The following TSHZ2 variants were observed in gnomAD, a reference collection of about 807,000 sequenced individuals.
TSHZ2 encodes teashirt homolog 2.
Under a neutral mutation model 74.4 loss-of-function variants are expected in TSHZ2, and 21 were observed. The observed-to-expected ratio is 0.28, with a 90% confidence interval of 0.20 to 0.41. The LOEUF is 0.41. TSHZ2 is among the 10% of genes least tolerant of loss of function. The pLI is 1.00. For missense variants in TSHZ2, 1,244 were observed against 1,293.5 expected, an observed-to-expected ratio of 0.96 and a Z score of 0.59; for synonymous variants, 540 against 515.3, an observed-to-expected ratio of 1.05 and a Z score of -0.65.
chr20:53,101,867 A>T (rs1986228141), intron 1 of TSHZ2, among the ~76,000 whole-genome samples: 1 of 152,226 alleles, frequency 6.6e-6, no homozygotes, highest in South Asian at 2.1e-4. Flanking sequence ...TATGAACCAG[A>T]TGTGTAAATA....
intron 1 of TSHZ2, among the ~76,000 whole-genome samples, chr20:53,112,625 C>T (rs1986565393): frequency 6.6e-6 from 1 of 152,120 alleles, no homozygotes; most frequent in African/African-American, 2.4e-5. Context: ...ACCTCCTGGG[C>T]TCAAGCAATC....
In TSHZ2 at chr20:53,479,354, G is replaced by C. The variant is rs369788170; in HGVS notation, c.*9-7790G>C. Among the ~76,000 whole-genome samples the C allele has an allele frequency of 2.0e-5, 3 of 152,222 alleles. No individual in the cohort carries two copies. The East Asian group carries it at 5.8e-4, about 29-fold the overall frequency. On this transcript the variant is annotated intron_variant, in intron 2 of 2. Coordinates refer to ENST00000371497, the MANE Select transcript of TSHZ2 (RefSeq NM_173485.6). ...AGCTCTAGGTGATCCCAGTACTGCT[G>C]TTATATGGACCACCCTCAGAGTAAC... is the stretch of plus-strand genomic sequence containing the variant.
chr20:53,272,309 C>T (rs368574344), intron 2 of TSHZ2, among the ~76,000 whole-genome samples: 4 of 152,208 alleles, frequency 2.6e-5, no homozygotes, highest in East Asian at 1.9e-4. Flanking sequence ...CGTGCCCGGC[C>T]GAGAAGTGGA....
chr20:53,216,668 G>A (rs1989441181), intron 1 of TSHZ2, among the ~76,000 whole-genome samples: 1 of 152,150 alleles, frequency 6.6e-6, no homozygotes, highest in Non-Finnish European at 1.5e-5. Flanking sequence ...AAGGTGCATG[G>A]AGCCCCACAA....
At chr20:53,473,945 G>C (rs1156982640) in intron 2 of TSHZ2, among the ~76,000 whole-genome samples, 1 of 152,074 alleles carries the variant, frequency 6.6e-6, no homozygotes, top group Admixed American at 6.6e-5. Context: ...AGCGAGAAGA[G>C]AAGTTTAGAG....
At chr20:53,245,777 TTCAG>T (rs926667334) in intron 1 of TSHZ2, among the ~76,000 whole-genome samples, 17 of 152,154 alleles carry the variant, frequency 1.1e-4, no homozygotes, top group African/African-American at 4.1e-4. Context: ...ATAGGACCCT[TTCAG>T]TCAGTCAGGC....
chr20:53,462,980 T>C (rs1985427374), intron 2 of TSHZ2, among the ~76,000 whole-genome samples: 1 of 152,148 alleles, frequency 6.6e-6, no homozygotes. Flanking sequence ...TGTGGGGGCC[T>C]CTCTGTTCAT....
chr20:53,222,428 G>A (rs1234921572), intron 1 of TSHZ2, among the ~76,000 whole-genome samples: 3 of 152,188 alleles, frequency 2.0e-5, no homozygotes, highest in Admixed American at 2.0e-4. Context: ...AAAGATTTAT[G>A]AATGTCACCA....
intron 1 of TSHZ2, among the ~76,000 whole-genome samples, chr20:53,023,638 G>T (rs2870045): frequency 1.1e-3 from 24 of 22,096 alleles, no homozygotes; most frequent in East Asian, 9.9e-3. Context: ...TTTGCTTTTT[G>T]TTTTTTATGA....
At chr20:52,991,336 G>A (rs541121214) in intron 1 of TSHZ2, among the ~76,000 whole-genome samples, 3 of 145,784 alleles carry the variant, frequency 2.1e-5, no homozygotes, top group African/African-American at 7.7e-5. Context: ...TGGGGGGAGA[G>A]AGTGTGAAAG....
chr20:53,280,107 T>A (rs1991025975), intron 2 of TSHZ2, among the ~76,000 whole-genome samples: 1 of 152,052 alleles, frequency 6.6e-6, no homozygotes, highest in South Asian at 2.1e-4. Context: ...TTTTTGAAGA[T>A]GACTCTGCTC....
intron 1 of TSHZ2, among the ~76,000 whole-genome samples, chr20:53,066,633 G>A (rs545549485): frequency 6.6e-5 from 10 of 152,180 alleles, no homozygotes; most frequent in Non-Finnish European, 1.2e-4. Flanking sequence ...TCAGCCTCCT[G>A]AGTAGCTGGG....
intron 1 of TSHZ2, among the ~76,000 whole-genome samples, chr20:53,228,515 G>A (rs573824012): frequency 1.1e-3 from 166 of 152,308 alleles, no homozygotes; most frequent in Admixed American, 6.3e-3. Flanking sequence ...TTCGGGGTCC[G>A]GTAATTCTCT....
chr20:53,146,836 G>A (rs561866511), intron 1 of TSHZ2, among the ~76,000 whole-genome samples: 1 of 152,130 alleles, frequency 6.6e-6, no homozygotes, highest in Non-Finnish European at 1.5e-5. Context: ...GTAGAGGAGC[G>A]AGGCGGGCGT....
intron 2 of TSHZ2, among the ~76,000 whole-genome samples, chr20:53,390,094 A>G (rs1320147610): frequency 1.3e-5 from 2 of 152,322 alleles, no homozygotes; most frequent in Middle Eastern, 3.4e-3. Context: ...TTAGGGAGAA[A>G]TATTAACCTT....
chr20:53,351,680 T>C (rs776405746), intron 2 of TSHZ2, among the ~76,000 whole-genome samples: 2 of 152,200 alleles, frequency 1.3e-5, no homozygotes, highest in Non-Finnish European at 2.9e-5. Flanking sequence ...GTGACTAAAG[T>C]GTCAAGTCAG....
At chr20:53,166,798 C>G (rs917408830) in intron 1 of TSHZ2, among the ~76,000 whole-genome samples, 1 of 151,838 alleles carries the variant, frequency 6.6e-6, no homozygotes, top group Non-Finnish European at 1.5e-5. Flanking sequence ...AATAAAAAAT[C>G]AAAACAAAAA....
chr20:53,154,800 G>C (rs1007754167), intron 1 of TSHZ2, among the ~76,000 whole-genome samples: 4 of 152,144 alleles, frequency 2.6e-5, no homozygotes, highest in African/African-American at 7.2e-5. Flanking sequence ...AGCTGTCACT[G>C]AGACAATCTA....
At chr20:53,077,146 C>A (rs1415102106) in intron 1 of TSHZ2, among the ~76,000 whole-genome samples, 1 of 152,114 alleles carries the variant, frequency 6.6e-6, no homozygotes, top group Non-Finnish European at 1.5e-5. Flanking sequence ...GGCACGATGG[C>A]CCATGCCTGT....
Sources: gnomAD v4.1 joint callset for allele counts (sites outside exome capture counted in the v4.1 genomes callset) on GRCh38, gnomAD v4.1.1 for gene constraint, MANE v1.5 for transcripts, NCBI Gene and HGNC (gene_info 2026-07-23, HGNC 2026-07-21) for gene names.